HERC1: variants seen among roughly 807,000 people sequenced by gnomAD.
HERC1 encodes the protein HECT and RLD domain containing E3 ubiquitin protein ligase family member 1.
Under a neutral mutation model 554.3 loss-of-function variants are expected in HERC1, and 160 were observed. The ratio of observed to expected loss-of-function variants is 0.29; its 90% confidence interval spans 0.25 to 0.33. The LOEUF (loss-of-function observed/expected upper bound fraction) is 0.33, where lower values mean the gene tolerates loss of function less well. HERC1 is among the 10% of genes least tolerant of loss of function. HERC1 has a pLI of 1.00. For synonymous variants in HERC1, 2,175 were observed against 2,131.7 expected, an observed-to-expected ratio of 1.02 and a Z score of -0.56; for missense variants, 4,919 against 5,918.5, an observed-to-expected ratio of 0.83 and a Z score of 5.54.
chr15:63,633,916 A>G lies in HERC1; in HGVS notation c.12625T>C (p.Trp4209Arg), dbSNP rs2068671743. Residue 4209 changes from tryptophan (W) to arginine (R), a missense_variant, in exon 67 of 78, where the codon TGG becomes CGG. Transcript: ENST00000443617. Reference protein sequence around the residue: ...LAVSADGSMVWAFGDGDYGKL... With the variant: ...LAVSADGSMVRAFGDGDYGKL... ...CCATAGTCTCCATCTCCAAAAGCCC[A>G]CACCATGGAACCATCTGCTGACACT... 1 of 1,613,768 alleles carries G rather than the reference A, an allele frequency of 6.2e-7. No individual in the cohort carries two copies. The highest frequency in any genetic ancestry group is 8.5e-7 in the Non-Finnish European group (1 of 1,179,826).
At chr15:63,791,700 A>G (rs919920005) in intron 1 of HERC1, among the ~76,000 whole-genome samples, 12 of 152,208 alleles carry the variant, frequency 7.9e-5, no homozygotes, top group Non-Finnish European at 1.8e-4. Flanking sequence ...TTCGATGTCT[A>G]AATGTTTTAA....
At chr15:63,784,981 C>G (rs1211951657) in intron 1 of HERC1, among the ~76,000 whole-genome samples, 1 of 152,136 alleles carries the variant, frequency 6.6e-6, no homozygotes, top group Non-Finnish European at 1.5e-5. Context: ...TTTTTGGAAA[C>G]TAAGTTTCTC....
intron 34 of HERC1, among the ~76,000 whole-genome samples, chr15:63,684,884 C>T (rs2071664092): frequency 6.6e-6 from 1 of 152,174 alleles, no homozygotes. Context: ...TGGCAGGCGC[C>T]TGTAGTCCTA....
rs746263072 is a variant in HERC1, at chr15:63,644,981, C to A, written c.11184+11G>T. On this transcript the variant is annotated intron_variant, in intron 57 of 77. Coordinates refer to ENST00000443617, the MANE Select transcript of HERC1 (RefSeq NM_003922.4). Reference sequence around the variant, plus strand: ...AGTTTCAGACAGTCTTCAAAAACACCAGAATGTTACCTGGCAATTTGATTC... The same window carrying A: ...AGTTTCAGACAGTCTTCAAAAACACAAGAATGTTACCTGGCAATTTGATTC... 1 of 1,578,766 alleles carries A rather than the reference C, an allele frequency of 6.3e-7. No homozygotes were observed. The highest frequency in any genetic ancestry group is 8.7e-7 in the Non-Finnish European group (1 of 1,147,654).
chr15:63,807,245 T>G (rs1225635770), intron 1 of HERC1, among the ~76,000 whole-genome samples: 1 of 152,210 alleles, frequency 6.6e-6, no homozygotes, highest in African/African-American at 2.4e-5. Context: ...TGTGAGGCTG[T>G]CCTCTGGCAT....
Position 63,729,220 on chromosome 15 carries a change from G to A in HERC1, c.3154+16C>T, listed in dbSNP as rs767889044. The A allele has an allele frequency of 1.3e-6, 2 of 1,585,792 alleles. No individual in the cohort carries two copies. The highest frequency in any genetic ancestry group is 2.7e-5 in the African/African-American group (2 of 73,262). ...CTTAATGACTGATTAAATTTGAAAT[G>A]AAATACCAAACTCACCTCTTAATTT... On this transcript the variant is annotated intron_variant, in intron 16 of 77. Transcript: ENST00000443617.
rs143278098 is a variant in HERC1 at position 63,723,170 on chromosome 15, T to C, written c.3742+12A>G. The stretch of plus-strand genomic sequence containing the variant: ...AACTACAAATTTACTCCCTTTATCT[T>C]CTTTATCTTACCTTTACTAACAGCA... On this transcript the variant is annotated intron_variant, in intron 19 of 77. Transcript: ENST00000443617. 0.013 allele frequency: 19,012 copies of C among 1,413,708 alleles called. 168 individuals carry two copies. Among genetic ancestry groups the C allele is most frequent in the Middle Eastern group, 0.022 (120 of 5,380 alleles). The allele number at this position is 1,413,708 out of a possible 1,614,324, so 87.6% of individuals were successfully genotyped here.
intron 39 of HERC1, among the ~76,000 whole-genome samples, chr15:63,672,126 G>A (rs925630989): frequency 6.6e-6 from 1 of 151,994 alleles, no homozygotes; most frequent in Non-Finnish European, 1.5e-5. Flanking sequence ...AACCTGAGAA[G>A]AGAAAATTAT....
intron 25 of HERC1, 66 bp from the exon 26 acceptor site, chr15:63,699,062 T>C: frequency 7.2e-7 from 1 of 1,390,262 alleles, no homozygotes; most frequent in Admixed American, 1.9e-5. Context: ...TGAAACTAGA[T>C]AAGGCTGAGT....
intron 1 of HERC1, among the ~76,000 whole-genome samples, chr15:63,786,126 C>T (rs1452635269): frequency 1.3e-5 from 2 of 151,924 alleles, no homozygotes; most frequent in Admixed American, 6.6e-5. Context: ...GCTAGATGCA[C>T]TGCAGTGTGC....
At position 63,698,592 on chromosome 15, in the gene HERC1, T is replaced by C. The variant is rs1357859819; in HGVS notation, c.4905+136A>G. The C allele has an allele frequency of 6.2e-6, 5 of 809,314 alleles. No homozygotes were observed. In the East Asian group the frequency reaches 1.3e-4, roughly 22 times the overall value. 50.1% of individuals were successfully genotyped at this position (809,314 alleles called of 1,614,324 possible). A position where few individuals can be genotyped will look rare whatever the true frequency, so the allele number is the denominator to read the frequency against. ...TGTGCTGTTCTAGTGAAGAATGTTATGTTTAAAAGCTCAGGTACAGGAAAG... is the reference window on the plus strand; with the variant it reads ...TGTGCTGTTCTAGTGAAGAATGTTACGTTTAAAAGCTCAGGTACAGGAAAG... On this transcript the variant is annotated intron_variant, in intron 26 of 77. Coordinates refer to ENST00000443617, the MANE Select transcript of HERC1 (RefSeq NM_003922.4).
At chr15:63,828,072 C>T (rs2078003317) in intron 1 of HERC1, among the ~76,000 whole-genome samples, 2 of 152,126 alleles carry the variant, frequency 1.3e-5, no homozygotes, top group Admixed American at 1.3e-4. Context: ...TGTGAATATA[C>T]TAGAAACCAC....
chr15:63,747,132 T>C, intron 11 of HERC1, 49 bp from the exon 12 acceptor site: 10 of 1,529,218 alleles, frequency 6.5e-6, no homozygotes, highest in Non-Finnish European at 8.9e-6. Context: ...AAAGTGCCTG[T>C]GCTATCCAGT....
chr15:63,657,052 T>C (rs924037344), intron 48 of HERC1, among the ~76,000 whole-genome samples: 6 of 152,162 alleles, frequency 3.9e-5, no homozygotes, highest in African/African-American at 1.4e-4. Flanking sequence ...TACCCAGAAG[T>C]GGATCTCTGG....
intron 2 of HERC1, 49 bp from the exon 3 acceptor site, chr15:63,764,240 T>C (rs1352011072): frequency 1.7e-5 from 20 of 1,204,054 alleles, no homozygotes; most frequent in Non-Finnish European, 2.2e-5. Context: ...GAGAGACATA[T>C]GCATTAAAAT....
At chr15:63,803,131 C>G (rs75480383) in intron 1 of HERC1, among the ~76,000 whole-genome samples, 6,507 of 152,082 alleles carry the variant, frequency 0.043, 270 homozygotes, top group African/African-American at 0.11. Flanking sequence ...CTTAAGCCTA[C>G]GAGGCTGCAG....
rs62012823 is a variant in HERC1 at position 63,623,150 on chromosome 15, A to G, written c.13612-259T>C. On this transcript the variant is annotated intron_variant, in intron 73 of 77. Coordinates refer to ENST00000443617, the MANE Select transcript of HERC1 (RefSeq NM_003922.4). ...AGGGCAGGAGTAGTGGTGGCTGTGA[A>G]AAGAGTGTAGTGATGTTCAAATCGA... 0.14 allele frequency among the ~76,000 whole-genome samples: 21,605 copies of G among 152,262 alleles called. 2,081 individuals are homozygous for G. Among genetic ancestry groups the G allele is most frequent in the Middle Eastern group, 0.21 (63 of 294 alleles).
intron 64 of HERC1, chr15:63,637,071 G>C: frequency 2.2e-6 from 1 of 455,872 alleles, no homozygotes; most frequent in Non-Finnish European, 4.4e-6. Context: ...CTTGTACAGT[G>C]GTTTCTCCAA....
At position 63,702,583 on chromosome 15, in the gene HERC1, G is replaced by A. The variant is rs377124732; in HGVS notation, c.4637-3587C>T. ...TTCTGTAAACAATCGTACAACCATA[G>A]CAAATCTTTTAAGTTTTATCAAAGT... On this transcript the variant is annotated intron_variant, in intron 25 of 77. Transcript: ENST00000443617. 5.3e-5 allele frequency among the ~76,000 whole-genome samples: 8 copies of A among 152,156 alleles called. No homozygotes were observed. The East Asian group carries it at 1.5e-3, about 29-fold the overall frequency.
Sources: allele counts gnomAD v4.1 joint callset (sites outside exome capture counted in the v4.1 genomes callset), GRCh38; gene constraint gnomAD v4.1.1; transcripts MANE v1.5; gene names NCBI Gene and HGNC (gene_info 2026-07-23, HGNC 2026-07-21).